TGFBRAP1: variants seen among roughly 807,000 people sequenced by gnomAD.
TGFBRAP1 encodes the protein transforming growth factor-beta receptor-associated protein 1.
Under a neutral mutation model 83.2 loss-of-function variants are expected in TGFBRAP1, and 20 were observed. That is an observed-to-expected ratio of 0.24 (90% CI 0.17 to 0.35). The LOEUF (loss-of-function observed/expected upper bound fraction) is 0.35. Among genes scored for constraint, TGFBRAP1 ranks in the 10% least tolerant of loss-of-function variants. The probability of loss-of-function intolerance (pLI) is 1.00; values close to 1 mark genes in which losing one functional copy is unlikely to be tolerated. For synonymous variants in TGFBRAP1, 415 were observed against 459.8 expected (o/e 0.90, Z 1.25); for missense variants, 950 against 1,099.4 (o/e 0.86, Z 1.92).
intron 2 of TGFBRAP1, among the ~76,000 whole-genome samples, chr2:105,299,478 A>G (rs1678210166): frequency 6.6e-6 from 1 of 152,086 alleles, no homozygotes; most frequent in Admixed American, 6.6e-5. Flanking sequence ...CATGGACACC[A>G]ATAACATCGC....
chr2:105,252,970 G>A, the TGFBRAP1 span, among the ~76,000 whole-genome samples: 1 of 151,868 alleles, frequency 6.6e-6, no homozygotes, highest in Non-Finnish European at 1.5e-5. Flanking sequence ...TAGCCAGGAT[G>A]GTCTCGATCT....
At chr2:105,278,097 T>C (rs1677413136) in intron 6 of TGFBRAP1, among the ~76,000 whole-genome samples, 1 of 133,344 alleles carries the variant, frequency 7.5e-6, no homozygotes, top group African/African-American at 2.5e-5. Flanking sequence ...TGTGTGTGTG[T>C]GTGTGTGTGT....
downstream of TGFBRAP1, among the ~76,000 whole-genome samples, chr2:105,260,308 C>T (rs183118428): frequency 3.3e-4 from 50 of 152,276 alleles, no homozygotes; most frequent in East Asian, 1.2e-3. Flanking sequence ...TACTTGGAGG[C>T]TGAGGCAGGA....
At chr2:105,251,820 G>T in the TGFBRAP1 span, among the ~76,000 whole-genome samples, 2 of 150,286 alleles carry the variant, frequency 1.3e-5, no homozygotes, top group Admixed American at 6.6e-5. Flanking sequence ...TCTGCCTTGG[G>T]ATCCTGTTGA....
Position 105,267,094 on chromosome 2 carries a change from C to A in TGFBRAP1, c.*289G>T. The A allele has an allele frequency of 1.2e-5, 3 of 254,460 alleles. No homozygotes were observed. The highest frequency in any genetic ancestry group is 2.2e-5 in the African/African-American group (1 of 44,774). The allele number at this position is 254,460 out of a possible 1,614,324, so 15.8% of individuals were successfully genotyped here. On this transcript the variant is annotated 3_prime_UTR_variant, in exon 12 of 12. Transcript: ENST00000393359. ...CCCTTTTTTTTTTTTTCAAAGTAGA[C>A]CTCTGTCTTGGATTACTATGTACCT... is the stretch of plus-strand genomic sequence containing the variant.
intron 4 of TGFBRAP1, among the ~76,000 whole-genome samples, chr2:105,293,379 C>T (rs116546000): frequency 1.4e-3 from 207 of 152,310 alleles, no homozygotes; most frequent in African/African-American, 4.8e-3. Context: ...TCTGAACAAC[C>T]CTTTTGGATC....
In TGFBRAP1 at chr2:105,284,378, C is replaced by A; in HGVS notation, c.1059G>T (p.Leu353=). Residue 353 remains leucine (L), a synonymous_variant, in exon 5 of 12, where the codon CTG becomes CTT. Coordinates refer to ENST00000393359, the MANE Select transcript of TGFBRAP1 (RefSeq NM_004257.6). ...CAAACTGTATAAATCCCGCCTGCTG[C>A]AGAATCCTTCTGTACATTACCTGCA... is the stretch of plus-strand genomic sequence containing the variant. ...EKFQVMYRRI[L]QQAGFIQFAQ... The A allele has an allele frequency of 2.5e-6, 4 of 1,614,040 alleles. No homozygotes were observed. The highest frequency in any genetic ancestry group is 1.1e-5 in the South Asian group (1 of 91,068).
chr2:105,295,624 A>C (rs1003471116), intron 4 of TGFBRAP1, among the ~76,000 whole-genome samples: 3 of 152,060 alleles, frequency 2.0e-5, no homozygotes, highest in African/African-American at 7.2e-5. Context: ...CATCCTGGCC[A>C]ACATGGTGAA....
intron 4 of TGFBRAP1, among the ~76,000 whole-genome samples, chr2:105,284,665 T>C (rs1294742095): frequency 6.6e-6 from 1 of 152,202 alleles, no homozygotes; most frequent in African/African-American, 2.4e-5. Flanking sequence ...CCTGTACTTG[T>C]GATTGCTGAG....
In TGFBRAP1 at chr2:105,279,972, A is replaced by G. The variant is rs538921214; in HGVS notation, c.1463+410T>C. ...AGAATTGCTTGAACCCAGGAGGTGG[A>G]GGTTGCAGTGAGCTGAGATCACACC... On this transcript the variant is annotated intron_variant, in intron 6 of 11. Coordinates refer to ENST00000393359, the MANE Select transcript of TGFBRAP1 (RefSeq NM_004257.6). Among the ~76,000 whole-genome samples, 19 of 151,758 alleles carry G rather than the reference A, an allele frequency of 1.3e-4. No individual in the cohort carries two copies. In the South Asian group the frequency reaches 2.9e-3, roughly 23 times the overall value.
chr2:105,315,010 A>G (rs1678810767), intron 1 of TGFBRAP1, among the ~76,000 whole-genome samples: 1 of 151,072 alleles, frequency 6.6e-6, no homozygotes, highest in Admixed American at 6.6e-5. Flanking sequence ...TTATTCACAG[A>G]TAACATTACT....
intron 3 of TGFBRAP1, among the ~76,000 whole-genome samples, chr2:105,297,111 G>A (rs1003754269): frequency 6.6e-6 from 1 of 152,068 alleles, no homozygotes; most frequent in Non-Finnish European, 1.5e-5. Context: ...TCCACAGGTA[G>A]TCTGTGGAAG....
chr2:105,262,498 A>G (rs752948485), downstream of TGFBRAP1, among the ~76,000 whole-genome samples: 5 of 152,186 alleles, frequency 3.3e-5, no homozygotes, highest in Admixed American at 6.5e-5. Context: ...CTGTAGAACA[A>G]TGAGCCAAAC....
intron 1 of TGFBRAP1, among the ~76,000 whole-genome samples, chr2:105,325,822 T>A (rs1465770847): frequency 2.6e-5 from 4 of 152,212 alleles, no homozygotes; most frequent in Non-Finnish European, 5.9e-5. Flanking sequence ...CCCACAGCCA[T>A]CTGTTGAATG....
intron 2 of TGFBRAP1, among the ~76,000 whole-genome samples, chr2:105,305,654 TATTA>T (rs1328299862): frequency 2.0e-5 from 3 of 152,210 alleles, no homozygotes; most frequent in African/African-American, 4.8e-5. Context: ...TTTTTATTTT[TATTA>T]ATTAATTAAT....
chr2:105,308,157 A>G lies in TGFBRAP1; in HGVS notation c.145T>C (p.Phe49Leu), dbSNP rs1447273660. Residue 49 changes from phenylalanine (F) to leucine (L), a missense_variant, in exon 2 of 12, where the codon TTC becomes CTC. Coordinates refer to ENST00000393359, the MANE Select transcript of TGFBRAP1 (RefSeq NM_004257.6). ...GGCACTGGCCTCTCCTCCAACAGGA[A>G]GTGGTAGACGAAGCAGTCGTTGGTG... Reference protein sequence around the residue: ...VGTNDCFVYHFLLEERPVPAG... With the variant: ...VGTNDCFVYHLLLEERPVPAG... 8 of 1,614,184 alleles carry G rather than the reference A, an allele frequency of 5.0e-6. No homozygotes were observed. The highest frequency in any genetic ancestry group is 3.3e-5 in the Admixed American group (2 of 60,028).
chr2:105,290,593 G>A (rs1302298715), intron 4 of TGFBRAP1, among the ~76,000 whole-genome samples: 1 of 150,428 alleles, frequency 6.6e-6, no homozygotes, highest in Non-Finnish European at 1.5e-5. Context: ...GAGAAAGAGA[G>A]AGAAAGAGAG....
rs752393767 is a variant in TGFBRAP1, at chr2:105,269,281, G to A, written c.2397C>T (p.Thr799=). ...GGGGGCCAGCACTTACCTTATCGTA[G>A]GTGTAGATTAAGTTTTCGGACCTGG... ...GLARSENLIY[T]YDKMKLKGSS... is the part of the protein sequence containing the mutation. Residue 799 remains threonine, a synonymous_variant, in exon 11 of 12, where the codon ACC becomes ACT. Transcript: ENST00000393359. This position sits in a 1 kb window ranked among gnomAD's most constrained non-coding sequence, Gnocchi z 4.1. 1.2e-6 allele frequency: 2 copies of A among 1,601,450 alleles called. No homozygotes were observed. Among genetic ancestry groups the A allele is most frequent in the Non-Finnish European group, 1.7e-6 (2 of 1,170,122 alleles).
At chr2:105,306,224 G>A (rs940153945) in intron 2 of TGFBRAP1, among the ~76,000 whole-genome samples, 2 of 151,670 alleles carry the variant, frequency 1.3e-5, no homozygotes, top group African/African-American at 2.4e-5. Flanking sequence ...CACCATGCCC[G>A]GCTAATTTTG....
Sources: gnomAD v4.1 joint callset for allele counts (sites outside exome capture counted in the v4.1 genomes callset) on GRCh38, gnomAD v4.1.1 for gene constraint, Gnocchi (gnomAD v3.1) non-coding constraint, MANE v1.5 for transcripts, NCBI Gene and HGNC (gene_info 2026-07-23, HGNC 2026-07-21) for gene names.